APH1B: variants seen among roughly 807,000 people sequenced by gnomAD.
The protein encoded by APH1B is gamma-secretase subunit APH-1B.
In APH1B, 27 loss-of-function variants were observed where a neutral mutation model predicts 28.2. That is an observed-to-expected ratio of 0.96 (90% CI 0.70 to 1.32). The LOEUF (loss-of-function observed/expected upper bound fraction) is 1.32. Ranked by LOEUF, APH1B falls within the 40% of genes most tolerant of loss-of-function variation. APH1B has a pLI of 0.00. For synonymous variants in APH1B, 141 were observed against 124.6 expected (o/e 1.13, Z -0.88); for missense variants, 305 against 313.6 (o/e 0.97, Z 0.21).
chr15:63,278,227 G>T, intron 1 of APH1B: 1 of 440,850 alleles, frequency 2.3e-6, no homozygotes, highest in Non-Finnish European at 4.5e-6. Context: ...TCTAGGGGAT[G>T]GGATTCGGGC....
chr15:63,302,092 G>A (rs1210588141), intron 4 of APH1B, among the ~76,000 whole-genome samples: 2 of 152,174 alleles, frequency 1.3e-5, no homozygotes, highest in Non-Finnish European at 2.9e-5. Context: ...TATTCCTCAG[G>A]GAAGCTGCCT....
At chr15:63,282,223 T>C (rs1258548655) in intron 2 of APH1B, among the ~76,000 whole-genome samples, 1 of 152,242 alleles carries the variant, frequency 6.6e-6, no homozygotes, top group Non-Finnish European at 1.5e-5. Context: ...GTTTAATCAA[T>C]ACTTTATCTC....
chr15:63,287,575 G>A, intron 4 of APH1B, 29 bp downstream of exon 4: 1 of 1,609,462 alleles, frequency 6.2e-7, no homozygotes. Context: ...TCAACATTCA[G>A]GCTTCTAGTC....
At chr15:63,278,210 C>A in intron 1 of APH1B, 1 of 432,496 alleles carries the variant, frequency 2.3e-6, no homozygotes, top group South Asian at 1.6e-5. Context: ...TCCATTGAAT[C>A]AGAATGTCTA....
rs1158996205 is a variant in APH1B, at chr15:63,303,969, T to C, written c.606+1497T>C. On this transcript the variant is annotated intron_variant, in intron 5 of 5. Coordinates refer to ENST00000261879, the MANE Select transcript of APH1B (RefSeq NM_031301.4). ...GGTCATGGGGTGTACATGTGTCGAC[T>C]GTTCATACCACTCAATTTTCAGAGT... Among the ~76,000 whole-genome samples, 4 of 152,086 alleles carry C rather than the reference T, an allele frequency of 2.6e-5. No homozygotes were observed. The East Asian group carries it at 5.8e-4, about 22-fold the overall frequency.
In APH1B at chr15:63,308,868, A is replaced by G. The variant is rs2038714105; in HGVS notation, c.*3087A>G. ...GATAGATGTCACACACAACAATTTT[A>G]AAGTATTTTGCTTAGTGCATTTTGT... is the stretch of plus-strand genomic sequence containing the variant. On this transcript the variant is annotated 3_prime_UTR_variant, in exon 6 of 6. Transcript: ENST00000261879. 1.3e-5 allele frequency: 2 copies of G among 152,218 alleles called. No homozygotes were observed. The highest frequency in any genetic ancestry group is 4.1e-4 in the South Asian group (2 of 4,830). The allele number at this position is 152,218 out of a possible 1,614,324, so 9.4% of individuals were successfully genotyped here.
At position 63,306,363 on chromosome 15, in the gene APH1B, C is replaced by T. The variant is rs560443896; in HGVS notation, c.*582C>T. The stretch of plus-strand genomic sequence containing the variant: ...TAAATGCAATAATAAATTACGCTGA[C>T]TGTGGTAACTTAGCCAAAGTAAGAT... On this transcript the variant is annotated 3_prime_UTR_variant, in exon 6 of 6. Coordinates refer to ENST00000261879, the MANE Select transcript of APH1B (RefSeq NM_031301.4). 1 of 152,454 alleles carries T rather than the reference C, an allele frequency of 6.6e-6. No individual in the cohort carries two copies. Among genetic ancestry groups the T allele is most frequent in the East Asian group, 1.9e-4 (1 of 5,192 alleles). The allele number at this position is 152,454 out of a possible 1,614,324, so 9.4% of individuals were successfully genotyped here. A position where few individuals can be genotyped will look rare whatever the true frequency, so the allele number is the denominator to read the frequency against.
intron 4 of APH1B, among the ~76,000 whole-genome samples, chr15:63,300,610 C>T (rs1683345171): frequency 6.6e-6 from 1 of 152,162 alleles, no homozygotes; most frequent in South Asian, 2.1e-4. Context: ...GGGTCATCAC[C>T]GGGGTTAAAA....
intron 4 of APH1B, among the ~76,000 whole-genome samples, chr15:63,292,761 CT>C (rs1473236688): frequency 6.6e-6 from 1 of 152,180 alleles, no homozygotes; most frequent in Non-Finnish European, 1.5e-5. Context: ...GAAAATTGTA[CT>C]TTTTGGAATG....
At chr15:63,297,959 A>C (rs1264806027) in intron 4 of APH1B, among the ~76,000 whole-genome samples, 4 of 152,192 alleles carry the variant, frequency 2.6e-5, no homozygotes, top group African/African-American at 9.7e-5. Flanking sequence ...ATACATGTCC[A>C]AGGGATCTCT....
intron 4 of APH1B, among the ~76,000 whole-genome samples, chr15:63,299,581 T>C (rs182930213): frequency 1.3e-5 from 2 of 152,114 alleles, no homozygotes; most frequent in East Asian, 3.9e-4. Flanking sequence ...ATTTTTTGTA[T>C]TTTTAGTACA....
At chr15:63,291,313 T>C (rs2038504600) in intron 4 of APH1B, among the ~76,000 whole-genome samples, 1 of 152,186 alleles carries the variant, frequency 6.6e-6, no homozygotes, top group Admixed American at 6.5e-5. Flanking sequence ...AAAATGTCTT[T>C]AGCTAGTACC....
chr15:63,279,796 C>CT (rs61114269), intron 2 of APH1B, among the ~76,000 whole-genome samples: 31,171 of 137,896 alleles, frequency 0.23, 3,748 homozygotes, highest in Admixed American at 0.3. Context: ...TAAGTTAATT[C>CT]TTTTTTTTTT....
intron 2 of APH1B, among the ~76,000 whole-genome samples, chr15:63,282,772 A>G (rs992346876): frequency 1.3e-5 from 2 of 152,204 alleles, no homozygotes; most frequent in Non-Finnish European, 2.9e-5. Context: ...CATTTATAGA[A>G]AAAACATTAA....
intron 4 of APH1B, among the ~76,000 whole-genome samples, chr15:63,292,230 A>G (rs2038513324): frequency 1.3e-5 from 2 of 152,212 alleles, no homozygotes; most frequent in Non-Finnish European, 1.5e-5. Flanking sequence ...ATGATCAACA[A>G]TAGATTGTAA....
intron 1 of APH1B, chr15:63,277,951 C>T (rs2038343159): frequency 3.5e-6 from 2 of 574,710 alleles, no homozygotes; most frequent in Non-Finnish European, 6.1e-6. Flanking sequence ...TTGCCTGGGG[C>T]TCATGGGTGG....
Position 63,304,241 on chromosome 15 carries a change from G to A in APH1B, c.607-1373G>A, listed in dbSNP as rs28386949. 0.21 allele frequency among the ~76,000 whole-genome samples: 31,330 copies of A among 152,174 alleles called. 3,526 individuals are homozygous for A. Among genetic ancestry groups the A allele is most frequent in the Admixed American group, 0.3 (4,545 of 15,278 alleles). On this transcript the variant is annotated intron_variant, in intron 5 of 5. Transcript: ENST00000261879. The surrounding 1 kb of genome is among the most constrained non-coding windows in gnomAD (Gnocchi z 5.1). ...ACCAGGCTGTGGTGTTGAAGCCAGC[G>A]TCATGGTCACCCTCAGTGGGGGCAG...
chr15:63,293,687 A>G (rs1347251741), intron 4 of APH1B, among the ~76,000 whole-genome samples: 2 of 151,948 alleles, frequency 1.3e-5, no homozygotes, highest in South Asian at 2.1e-4. Flanking sequence ...TAGGAGAGAC[A>G]GGGCTTCGCT....
chr15:63,297,316 C>T (rs1422891798), intron 4 of APH1B, among the ~76,000 whole-genome samples: 2 of 152,114 alleles, frequency 1.3e-5, no homozygotes, highest in African/African-American at 4.8e-5. Context: ...CCTGAACTCC[C>T]AGGAGTTTGA....
Sources: gnomAD v4.1 joint callset for allele counts (sites outside exome capture counted in the v4.1 genomes callset) on GRCh38, gnomAD v4.1.1 for gene constraint, Gnocchi (gnomAD v3.1) non-coding constraint, MANE v1.5 for transcripts, NCBI Gene and HGNC (gene_info 2026-07-23, HGNC 2026-07-21) for gene names.